The following POLR2F variants were observed in gnomAD, a reference collection of about 807,000 sequenced individuals.
The protein encoded by POLR2F is RNA polymerase II, I and III subunit F.
A neutral mutation model predicts 22.7 loss-of-function variants in POLR2F; 12 were observed. The ratio of observed to expected loss-of-function variants is 0.53; its 90% CI spans 0.34 to 0.86. The LOEUF is 0.86. Among genes scored for constraint, POLR2F ranks in the 40% least tolerant of loss-of-function variants. POLR2F has a pLI of 0.02. For synonymous variants in POLR2F, 57 were observed against 66.0 expected (o/e 0.86, Z 0.66); for missense variants, 126 against 171.5 (o/e 0.73, Z 1.48).
rs146733459 is a variant in POLR2F, at chr22:38,004,511, C to T, written c.120+18199C>T. 5.5e-4 allele frequency among the ~76,000 whole-genome samples: 84 copies of T among 152,208 alleles called. 3 individuals are homozygous for T. The South Asian group carries it at 0.011, about 20-fold the overall frequency. On this transcript the variant is annotated intron_variant, in intron 1 of 2. Transcript: ENST00000333418. ...TCTACTCGCTGAGTTCTCATGACTG[C>T]CAGAATGGAGCAAGAGATGGCAGGC...
chr22:37,981,898 G>T (rs1339802616), upstream of POLR2F, among the ~76,000 whole-genome samples: 1 of 152,188 alleles, frequency 6.6e-6, no homozygotes, highest in Non-Finnish European at 1.5e-5. Context: ...AGGGGCAGGG[G>T]AAGGGGCACC....
Position 37,967,612 on chromosome 22 carries a change from T to TCC in POLR2F, c.294-10_294-9dup. On this transcript the variant is annotated splice_polypyrimidine_tract_variant and intron_variant, in intron 4 of 4. Coordinates refer to ENST00000442738, the MANE Select transcript of POLR2F (RefSeq NM_021974.5). ...CCAGCCCTCATGTACTTGTGACTTC[T>TCC]CCCCTGCCACAGGGCCCGAAAGATC... is the stretch of plus-strand genomic sequence containing the variant. The TCC allele has an allele frequency of 6.2e-7, 1 of 1,613,528 alleles. No homozygotes were observed. The highest frequency in any genetic ancestry group is 8.5e-7 in the Non-Finnish European group (1 of 1,179,696).
downstream of POLR2F, among the ~76,000 whole-genome samples, chr22:38,031,544 G>C (rs10427673): frequency 0.55 from 83,619 of 151,872 alleles, 23,229 homozygotes; most frequent in East Asian, 0.75. The surrounding 1 kb of genome is among the most constrained non-coding windows in gnomAD (Gnocchi z 4.1). Context: ...GACCTGGGCA[G>C]GCACGGACTT....
chr22:38,006,877 G>A lies in POLR2F; in HGVS notation c.121-18992G>A, dbSNP rs566822645. 5.9e-5 allele frequency among the ~76,000 whole-genome samples: 9 copies of A among 152,336 alleles called. No individual in the cohort carries two copies. In the East Asian group the frequency reaches 1.7e-3, roughly 29 times the overall value. Reference sequence around the variant, plus strand: ...TCCTGCCTCACCCAACAGAGGTCTGGATTAGAAGGAGCTTGGGAGAGGACA... The same window carrying A: ...TCCTGCCTCACCCAACAGAGGTCTGAATTAGAAGGAGCTTGGGAGAGGACA... On this transcript the variant is annotated intron_variant, in intron 1 of 2. Coordinates refer to the POLR2F transcript ENST00000333418.
intron 1 of POLR2F, among the ~76,000 whole-genome samples, chr22:38,023,107 G>T (rs1462034695): frequency 6.6e-6 from 1 of 152,172 alleles, no homozygotes. Context: ...TGTTCCCCTT[G>T]GGGTGTCCCA....
intron 4 of POLR2F, among the ~76,000 whole-genome samples, chr22:37,977,328 TC>T (rs911992989): frequency 3.3e-5 from 5 of 151,166 alleles, no homozygotes; most frequent in Admixed American, 6.6e-5. Context: ...TTTTTTTTTT[TC>T]TTTCTCTTTG....
intron 3 of POLR2F, among the ~76,000 whole-genome samples, chr22:37,962,491 G>C (rs1425306341): frequency 6.6e-6 from 1 of 152,082 alleles, no homozygotes; most frequent in African/African-American, 2.4e-5. Flanking sequence ...TGCACTCCTT[G>C]CTCTTATGCA....
upstream of POLR2F, among the ~76,000 whole-genome samples, chr22:37,985,425 A>T (rs1185196704): frequency 6.6e-6 from 1 of 150,458 alleles, no homozygotes; most frequent in African/African-American, 2.5e-5. Context: ...TCCTCTGCCC[A>T]CCTCTCCCTC....
intron 5 of POLR2F, among the ~76,000 whole-genome samples, chr22:38,033,816 C>T (rs571870673): frequency 4.6e-5 from 7 of 152,284 alleles, no homozygotes; most frequent in East Asian, 3.9e-4. Context: ...CGACAGTGCC[C>T]GTGGAAGGGC....
chr22:37,977,824 T>G, intron 4 of POLR2F: 1 of 1,583,566 alleles, frequency 6.3e-7, no homozygotes, highest in Non-Finnish European at 8.6e-7. Flanking sequence ...CTGTCTCCAC[T>G]GACTGGCCTT....
rs545910493 is a variant in POLR2F at position 38,025,536 on chromosome 22, C to T, written c.121-333C>T. The T allele has an allele frequency of 6.0e-5, 86 of 1,439,526 alleles. No individual in the cohort carries two copies. The South Asian group carries it at 8.1e-4, about 14-fold the overall frequency. 89.2% of individuals were successfully genotyped at this position (1,439,526 alleles called of 1,614,324 possible). On this transcript the variant is annotated intron_variant, in intron 1 of 2. Transcript: ENST00000333418. The stretch of plus-strand genomic sequence containing the variant: ...TCACAAATTCCCTGATCGTCCCCCT[C>T]GTTTGCCTGTCCACGCCCTTCTCCC...
At chr22:37,982,078 C>T (rs962387423), upstream of POLR2F, among the ~76,000 whole-genome samples, 1 of 152,218 alleles carries the variant, frequency 6.6e-6, no homozygotes, top group African/African-American at 2.4e-5. Flanking sequence ...GCTCCTCTGA[C>T]AAAGCCCTAA....
exon 2 of POLR2F, chr22:38,025,970 C>T (rs372345537): frequency 3.3e-6 from 2 of 604,430 alleles, no homozygotes; most frequent in Admixed American, 1.9e-5. Context: ...AGAAGTCAAC[C>T]GGAGAATGTG....
intron 1 of POLR2F, among the ~76,000 whole-genome samples, chr22:37,955,542 A>AG: frequency 6.6e-6 from 1 of 151,780 alleles, no homozygotes; most frequent in African/African-American, 2.4e-5. Flanking sequence ...TTGTCTCAAA[A>AG]AAAAAAAAAA....
At chr22:38,035,842 C>G (rs1022645047) in intron 5 of POLR2F, among the ~76,000 whole-genome samples, 1 of 152,194 alleles carries the variant, frequency 6.6e-6, no homozygotes, top group Admixed American at 6.5e-5. Context: ...CTTCCTGCCC[C>G]CAAAGGGCAA....
chr22:38,000,668 TGAG>T (rs2084761140), intron 1 of POLR2F, among the ~76,000 whole-genome samples: 1 of 152,084 alleles, frequency 6.6e-6, no homozygotes, highest in South Asian at 2.1e-4. Flanking sequence ...CCAACACCAT[TGAG>T]GAGGGGCAGC....
chr22:37,983,295 C>T (rs1932457087), upstream of POLR2F: 4 of 1,543,542 alleles, frequency 2.6e-6, no homozygotes, highest in African/African-American at 4.1e-5. This position sits in a 1 kb window ranked among gnomAD's most constrained non-coding sequence, Gnocchi z 9.5. Flanking sequence ...CGGGCCGCCT[C>T]GGCTACCCTG....
chr22:38,000,580 AG>A (rs1466533159), intron 1 of POLR2F, among the ~76,000 whole-genome samples: 1 of 152,188 alleles, frequency 6.6e-6, no homozygotes, highest in Non-Finnish European at 1.5e-5. Flanking sequence ...GTTCCTCTGC[AG>A]TCTGTGCAGG....
At position 37,978,978 on chromosome 22, in the gene POLR2F, T is replaced by C. The variant is rs1356028778; in HGVS notation, c.293+11808T>C. 6.6e-6 allele frequency among the ~76,000 whole-genome samples: 1 copy of C among 152,182 alleles called. No homozygotes were observed. Among genetic ancestry groups the C allele is most frequent in the African/African-American group, 2.4e-5 (1 of 41,444 alleles). ...TTTTAGTAGAGATGGGGTTTCACCA[T>C]GTTGACCAGGCTGGTCTCCAACTCC... On this transcript the variant is annotated intron_variant, in intron 4 of 4. Coordinates refer to the POLR2F transcript ENST00000405557. This position sits in a 1 kb window ranked among gnomAD's most constrained non-coding sequence, Gnocchi z 5.0.
Sources: gnomAD v4.1 joint callset for allele counts (sites outside exome capture counted in the v4.1 genomes callset) on GRCh38, gnomAD v4.1.1 for gene constraint, Gnocchi (gnomAD v3.1) non-coding constraint, MANE v1.5 for transcripts, NCBI Gene and HGNC (gene_info 2026-07-23, HGNC 2026-07-21) for gene names.